Variants in PDE4D observed in about 807,000 individuals in gnomAD.
PDE4D encodes 3',5'-cyclic-AMP phosphodiesterase 4D.
In PDE4D, 24 loss-of-function variants were observed where a neutral mutation model predicts 87.4. The ratio of observed to expected loss-of-function variants is 0.27; its 90% CI spans 0.20 to 0.39. PDE4D has a LOEUF of 0.39. PDE4D is among the 10% of genes least tolerant of loss of function. The pLI is 1.00. For synonymous variants in PDE4D, 384 were observed against 383.2 expected (o/e 1.00, Z -0.02); for missense variants, 714 against 1,041.0 (o/e 0.69, Z 4.32).
intron 5 of PDE4D, among the ~76,000 whole-genome samples, chr5:59,074,149 C>T (rs58830206): frequency 2.6e-5 from 4 of 152,148 alleles, no homozygotes; most frequent in South Asian, 2.1e-4. Context: ...ATTCAAGGAA[C>T]GTTTGTTAAT....
intron 2 of PDE4D, among the ~76,000 whole-genome samples, chr5:60,104,165 C>T (rs111578846): frequency 2.7e-3 from 411 of 152,298 alleles, no homozygotes; most frequent in African/African-American, 7.9e-3. Context: ...CCAAATACTG[C>T]GCTTTTCCCA....
chr5:59,372,451 TAAATTG>T (rs1008234707), intron 1 of PDE4D, among the ~76,000 whole-genome samples: 1 of 152,240 alleles, frequency 6.6e-6, no homozygotes, highest in African/African-American at 2.4e-5. Flanking sequence ...AAAAATTGTA[TAAATTG>T]AAGTTTTAAG....
At chr5:60,159,859 T>A (rs1198835233) in intron 2 of PDE4D, among the ~76,000 whole-genome samples, 2 of 152,192 alleles carry the variant, frequency 1.3e-5, no homozygotes, top group Non-Finnish European at 1.5e-5. Flanking sequence ...CATTTAAAAT[T>A]ATAGCTGCAT....
At chr5:59,071,867 T>G (rs772621688) in intron 5 of PDE4D, among the ~76,000 whole-genome samples, 7 of 151,912 alleles carry the variant, frequency 4.6e-5, no homozygotes, top group Non-Finnish European at 8.8e-5. Flanking sequence ...TTTTATATTT[T>G]TAGTAGAGAC....
At chr5:59,980,063 T>C (rs1257249956) in intron 3 of PDE4D, among the ~76,000 whole-genome samples, 6 of 152,208 alleles carry the variant, frequency 3.9e-5, no homozygotes, top group African/African-American at 1.4e-4. Flanking sequence ...ATCAGTATTA[T>C]ACATTATGCA....
chr5:59,780,710 TG>T (rs1764527144), intron 1 of PDE4D, among the ~76,000 whole-genome samples: 1 of 152,236 alleles, frequency 6.6e-6, no homozygotes, highest in African/African-American at 2.4e-5. Flanking sequence ...AGGCCTCAGC[TG>T]TAAACTTACT....
intron 2 of PDE4D, among the ~76,000 whole-genome samples, chr5:60,151,607 G>T (rs1781510338): frequency 6.6e-6 from 1 of 152,058 alleles, no homozygotes; most frequent in South Asian, 2.1e-4. Context: ...TTCATATTCT[G>T]CAAGTTTACT....
At chr5:60,379,800 A>T (rs1469886225) in intron 1 of PDE4D, among the ~76,000 whole-genome samples, 1 of 152,116 alleles carries the variant, frequency 6.6e-6, no homozygotes, top group African/African-American at 2.4e-5. Flanking sequence ...CAAAGCATGG[A>T]CTGGGTTTCA....
At chr5:59,583,890 G>A (rs1322424608) in intron 1 of PDE4D, among the ~76,000 whole-genome samples, 2 of 152,314 alleles carry the variant, frequency 1.3e-5, no homozygotes, top group Non-Finnish European at 2.9e-5. Flanking sequence ...GCCAAGTCCC[G>A]CCTCTCCAAA....
chr5:59,998,848 A>T (rs1387098878), intron 2 of PDE4D, among the ~76,000 whole-genome samples: 1 of 152,156 alleles, frequency 6.6e-6, no homozygotes, highest in African/African-American at 2.4e-5. Flanking sequence ...GTATGTGTCA[A>T]TATGTGTTAC....
chr5:60,420,723 C>CCAGCGCA (rs1561233574), intron 1 of PDE4D, among the ~76,000 whole-genome samples: 8 of 152,058 alleles, frequency 5.3e-5, no homozygotes, highest in Non-Finnish European at 1.2e-4. Flanking sequence ...GCCCATGGAG[C>CCAGCGCA]GGGAGCCAGC....
chr5:59,612,326 A>G (rs1829119633), intron 1 of PDE4D, among the ~76,000 whole-genome samples: 1 of 149,850 alleles, frequency 6.7e-6, no homozygotes, highest in African/African-American at 2.5e-5. Context: ...TTTTTTACAG[A>G]TTCCAACAAC....
intron 1 of PDE4D, among the ~76,000 whole-genome samples, chr5:59,883,328 G>A (rs1749716158): frequency 1.3e-5 from 2 of 152,192 alleles, no homozygotes; most frequent in Admixed American, 1.3e-4. Flanking sequence ...AGAACAAGAG[G>A]CTGAACGTGG....
intron 1 of PDE4D, among the ~76,000 whole-genome samples, chr5:60,326,160 C>A (rs1756772052): frequency 6.6e-6 from 1 of 152,006 alleles, no homozygotes; most frequent in African/African-American, 2.4e-5. Context: ...ACACAGAAGT[C>A]TTTATTTCTC....
chr5:59,204,749 A>C (rs1387603979), intron 2 of PDE4D, among the ~76,000 whole-genome samples: 5 of 152,284 alleles, frequency 3.3e-5, no homozygotes, highest in Non-Finnish European at 5.9e-5. Context: ...TTCACAGTTT[A>C]TCTTATTGGC....
chr5:59,719,880 A>C (rs866569778), intron 1 of PDE4D, among the ~76,000 whole-genome samples: 1 of 152,118 alleles, frequency 6.6e-6, no homozygotes, highest in Non-Finnish European at 1.5e-5. Flanking sequence ...AAAATTCCAA[A>C]ATTACCACTT....
intron 3 of PDE4D, among the ~76,000 whole-genome samples, chr5:59,958,130 A>G (rs1207301597): frequency 6.6e-6 from 1 of 152,160 alleles, no homozygotes; most frequent in African/African-American, 2.4e-5. Context: ...CATTCAAATC[A>G]TTATAAGTTT....
intron 1 of PDE4D, among the ~76,000 whole-genome samples, chr5:59,797,374 C>T (rs115331281): frequency 1.9e-3 from 291 of 152,314 alleles, no homozygotes; most frequent in African/African-American, 6.7e-3. Flanking sequence ...AAGAGTGCCA[C>T]CACATGCATG....
At chr5:59,764,470 T>C (rs1762535212) in intron 1 of PDE4D, among the ~76,000 whole-genome samples, 2 of 152,120 alleles carry the variant, frequency 1.3e-5, no homozygotes, top group Admixed American at 6.5e-5. Flanking sequence ...GAATTTAAGT[T>C]TAGTCTCTTT....
Sources: gnomAD v4.1 joint callset for allele counts (sites outside exome capture counted in the v4.1 genomes callset) on GRCh38, gnomAD v4.1.1 for gene constraint, MANE v1.5 for transcripts, NCBI Gene and HGNC (gene_info 2026-07-23, HGNC 2026-07-21) for gene names.